The following DLGAP1 variants were observed in gnomAD, a reference collection of about 807,000 sequenced individuals.
DLGAP1 encodes DLG associated protein 1.
DLGAP1 carries 11 observed loss-of-function variants against 90.8 expected under a neutral mutation model. The ratio of observed to expected loss-of-function variants is 0.12; its 90% CI spans 0.08 to 0.20. DLGAP1 has a LOEUF of 0.20. DLGAP1 is among the 10% of genes least tolerant of loss of function. The probability of loss-of-function intolerance (pLI) is 1.00; values close to 1 mark genes in which losing one functional copy is unlikely to be tolerated. For synonymous variants in DLGAP1, 558 were observed against 540.7 expected, an observed-to-expected ratio of 1.03 and a Z score of -0.44; for missense variants, 1,050 against 1,333.8, an observed-to-expected ratio of 0.79 and a Z score of 3.31.
intron 2 of DLGAP1, among the ~76,000 whole-genome samples, chr18:4,140,325 T>C (rs1236014234): frequency 6.6e-6 from 1 of 151,962 alleles, no homozygotes; most frequent in Non-Finnish European, 1.5e-5. Context: ...AAATATCTTG[T>C]AACCCATTAT....
intron 1 of DLGAP1, among the ~76,000 whole-genome samples, chr18:4,164,232 C>T (rs541093509): frequency 7.9e-5 from 12 of 151,976 alleles, no homozygotes; most frequent in African/African-American, 2.9e-4. Flanking sequence ...CCCAAGATAC[C>T]ATTAAAAAAA....
intron 7 of DLGAP1, chr18:3,598,493 AGTCTGG>A (rs1417101829): frequency 7.7e-6 from 1 of 129,192 alleles, no homozygotes; most frequent in African/African-American, 3.0e-5. Flanking sequence ...TTTGAGCCAG[AGTCTGG>A]CTCTGTCACC....
chr18:3,654,750 G>A (rs1458156141), intron 7 of DLGAP1: 4 of 152,176 alleles, frequency 2.6e-5, no homozygotes, highest in Non-Finnish European at 4.4e-5. Context: ...CCACTTTGAT[G>A]CGCAAAGCGA....
intron 1 of DLGAP1, among the ~76,000 whole-genome samples, chr18:4,325,266 C>T (rs1027792933): frequency 1.3e-5 from 2 of 151,994 alleles, no homozygotes; most frequent in Non-Finnish European, 2.9e-5. Context: ...ATAATTGTCA[C>T]AAAATGAATA....
At chr18:3,623,942 G>A (rs2058198203) in intron 7 of DLGAP1, among the ~76,000 whole-genome samples, 1 of 152,156 alleles carries the variant, frequency 6.6e-6, no homozygotes, top group East Asian at 1.9e-4. Flanking sequence ...GACCGGTTCA[G>A]TGGGATCTGG....
intron 5 of DLGAP1, among the ~76,000 whole-genome samples, chr18:3,791,920 A>C (rs1335991786): frequency 6.6e-6 from 1 of 152,200 alleles, no homozygotes; most frequent in Admixed American, 6.5e-5. Context: ...TTTAAAAAAT[A>C]AAATTAAAAA....
chr18:3,972,828 G>A (rs974309661), intron 3 of DLGAP1, among the ~76,000 whole-genome samples: 7 of 152,144 alleles, frequency 4.6e-5, no homozygotes, highest in Non-Finnish European at 7.4e-5. Context: ...GCAGATGGGC[G>A]GGGAGGTGCC....
intron 1 of DLGAP1, among the ~76,000 whole-genome samples, chr18:4,408,692 G>A (rs945985207): frequency 5.9e-5 from 9 of 151,962 alleles, no homozygotes; most frequent in African/African-American, 1.5e-4. Context: ...ATAAGTCTGC[G>A]AAAAATTCAG....
chr18:3,916,723 G>C (rs2072152813), intron 3 of DLGAP1, among the ~76,000 whole-genome samples: 1 of 152,140 alleles, frequency 6.6e-6, no homozygotes, highest in South Asian at 2.1e-4. Flanking sequence ...GCAACCATTA[G>C]GCTTCACCGC....
chr18:4,092,282 C>T (rs1159569254), intron 2 of DLGAP1, among the ~76,000 whole-genome samples: 1 of 152,156 alleles, frequency 6.6e-6, no homozygotes, highest in African/African-American at 2.4e-5. Context: ...TTGCTTGTTA[C>T]CTGGTGCTTA....
intron 7 of DLGAP1, among the ~76,000 whole-genome samples, chr18:3,724,473 G>C (rs142658047): frequency 4.0e-4 from 61 of 152,316 alleles, no homozygotes; most frequent in Non-Finnish European, 6.2e-4. Flanking sequence ...GTTGGGTGTG[G>C]TGGCTCATGC....
chr18:3,602,384 A>T (rs1401554541), intron 7 of DLGAP1, among the ~76,000 whole-genome samples: 1 of 152,146 alleles, frequency 6.6e-6, no homozygotes, highest in Non-Finnish European at 1.5e-5. Flanking sequence ...TCACGAGGTC[A>T]GGAGATCGAG....
At chr18:4,385,649 C>T (rs1365223641) in intron 1 of DLGAP1, among the ~76,000 whole-genome samples, 1 of 152,084 alleles carries the variant, frequency 6.6e-6, no homozygotes, top group Non-Finnish European at 1.5e-5. Context: ...AATTGACAGG[C>T]TGTTCTAGGA....
At chr18:4,407,553 C>G (rs143238495) in intron 1 of DLGAP1, among the ~76,000 whole-genome samples, 1 of 152,130 alleles carries the variant, frequency 6.6e-6, no homozygotes, top group East Asian at 1.9e-4. Context: ...TTCTGGGTCT[C>G]GGCAAATCCC....
At chr18:4,221,611 T>C (rs2078078149) in intron 1 of DLGAP1, among the ~76,000 whole-genome samples, 1 of 152,170 alleles carries the variant, frequency 6.6e-6, no homozygotes, top group Non-Finnish European at 1.5e-5. Flanking sequence ...TCCTGGAAGA[T>C]GCAGGACATC....
chr18:3,898,016 G>A lies in DLGAP1; in HGVS notation c.-72-17876C>T, dbSNP rs192634183. ...TCACCTTGTTAGCCAGGATGGTCTC[G>A]ATCTCCTGACCTCGTGATCCGCCCG... On this transcript the variant is annotated intron_variant, in intron 3 of 12. Coordinates refer to ENST00000315677, the MANE Select transcript of DLGAP1 (RefSeq NM_004746.4). Among the ~76,000 whole-genome samples the A allele has an allele frequency of 7.4e-3, 1,121 of 151,840 alleles. 8 individuals are homozygous for A. The highest frequency in any genetic ancestry group is 0.012 in the Non-Finnish European group (811 of 67,864).
intron 7 of DLGAP1, among the ~76,000 whole-genome samples, chr18:3,583,227 T>C (rs2055672319): frequency 6.7e-6 from 1 of 148,834 alleles, no homozygotes; most frequent in African/African-American, 2.5e-5. Context: ...CCTCCCTCCC[T>C]CCCTTTCTCT....
rs13381683 is a variant in DLGAP1 at position 3,801,999 on chromosome 18, T to G, written c.1172+12060A>C. ...TGTTTGTTTGTTTGTTTGTTTGTTT[T>G]TTTGAGATGGAGTCTTGCTCTGTCA... On this transcript the variant is annotated intron_variant, in intron 5 of 12. Coordinates refer to ENST00000315677, the MANE Select transcript of DLGAP1 (RefSeq NM_004746.4). Among the ~76,000 whole-genome samples the G allele has an allele frequency of 9.2e-3, 306 of 33,306 alleles. 4 individuals are homozygous for G. Among genetic ancestry groups the G allele is most frequent in the East Asian group, 0.06 (64 of 1,062 alleles). 21.9% of individuals were successfully genotyped at this position (33,306 alleles called of 152,430 possible). A position where few individuals can be genotyped will look rare whatever the true frequency, so the allele number is the denominator to read the frequency against.
chr18:4,304,946 G>T (rs2143331364), intron 1 of DLGAP1, among the ~76,000 whole-genome samples: 1 of 139,926 alleles, frequency 7.1e-6, no homozygotes. Context: ...AAAAAAAAAA[G>T]TTGTCATTGT....
Sources: gnomAD v4.1 joint callset for allele counts (sites outside exome capture counted in the v4.1 genomes callset) on GRCh38, gnomAD v4.1.1 for gene constraint, MANE v1.5 for transcripts, NCBI Gene and HGNC (gene_info 2026-07-23, HGNC 2026-07-21) for gene names.